Variants in SYTL5 observed in about 807,000 individuals in gnomAD.
SYTL5 encodes the protein synaptotagmin like 5.
Under a neutral mutation model 55.9 loss-of-function variants are expected in SYTL5, and 34 were observed. The observed-to-expected ratio is 0.61, with a 90% CI of 0.46 to 0.81. SYTL5 has a LOEUF of 0.81. SYTL5 is among the 30% of genes least tolerant of loss of function. The pLI is 0.00. For synonymous variants in SYTL5, 221 were observed against 188.7 expected (o/e 1.17, Z -1.40); for missense variants, 637 against 546.7 (o/e 1.17, Z -1.65).
chrX:38,052,862 G>A (rs759082868), intron 2 of SYTL5, among the ~76,000 whole-genome samples: 9 of 111,703 alleles, frequency 8.1e-5, no homozygotes, highest in Non-Finnish European at 1.5e-4. Flanking sequence ...GTAGCACCAA[G>A]CAATGACATG....
the SYTL5 span, among the ~76,000 whole-genome samples, chrX:37,989,901 C>T: frequency 2.7e-5 from 3 of 110,263 alleles, no homozygotes; most frequent in Non-Finnish European, 5.7e-5. Flanking sequence ...GAGACCGAGT[C>T]CCGCTCTGTC....
At chrX:38,080,997 G>A (rs1404634383) in intron 6 of SYTL5, among the ~76,000 whole-genome samples, 1 of 111,600 alleles carries the variant, frequency 9.0e-6, no homozygotes, top group Non-Finnish European at 1.9e-5. Context: ...TCCTTACCAG[G>A]CTTAAAAAAA....
chrX:37,895,505 T>TTTCTTTCTTTCTTTTC, the SYTL5 span, among the ~76,000 whole-genome samples: 12 of 99,246 alleles, frequency 1.2e-4, no homozygotes, highest in Non-Finnish European at 2.0e-4. Context: ...TCTTTCTTTC[T>TTTCTTTCTTTCTTTTC]TTTTCTTTTC....
At chrX:38,030,382 G>A (rs7054363) in intron 1 of SYTL5, among the ~76,000 whole-genome samples, 33,112 of 110,973 alleles carry the variant, frequency 0.3, 6,978 homozygotes, top group African/African-American at 0.75. Flanking sequence ...GTTTTTCCCA[G>A]AACCCAGTCT....
intron 6 of SYTL5, among the ~76,000 whole-genome samples, chrX:38,082,149 A>G (rs1158687979): frequency 8.9e-6 from 1 of 111,919 alleles, no homozygotes; most frequent in East Asian, 2.8e-4. Flanking sequence ...AGCCACACCC[A>G]TGCTTCATTC....
At chrX:38,082,625 C>T (rs769479766) in intron 6 of SYTL5, among the ~76,000 whole-genome samples, 9 of 112,274 alleles carry the variant, frequency 8.0e-5, no homozygotes, top group African/African-American at 2.9e-4. Flanking sequence ...TATAGTAATA[C>T]GATTTTAAAA....
At chrX:38,114,159 C>T (rs1321501779) in intron 13 of SYTL5, among the ~76,000 whole-genome samples, 1 of 111,510 alleles carries the variant, frequency 9.0e-6, no homozygotes, top group East Asian at 2.8e-4. Context: ...GCTACTACCT[C>T]CCTGTACACA....
chrX:37,910,467 C>T, the SYTL5 span, among the ~76,000 whole-genome samples: 1 of 112,191 alleles, frequency 8.9e-6, no homozygotes, highest in Non-Finnish European at 1.9e-5. Context: ...TTGGGGGAGA[C>T]ACAATTCAGC....
chrX:38,120,203 C>A (rs4827333), intron 13 of SYTL5, among the ~76,000 whole-genome samples, 155 bp from the exon 14 acceptor site: 37,114 of 111,496 alleles, frequency 0.33, 6,471 homozygotes, highest in African/African-American at 0.67. Flanking sequence ...TCTCTTACCT[C>A]AGTCATCTCT....
intron 1 of SYTL5, among the ~76,000 whole-genome samples, chrX:38,017,715 TTTTTTG>T (rs1934405122): frequency 2.8e-5 from 3 of 106,954 alleles, no homozygotes; most frequent in Non-Finnish European, 3.9e-5. Flanking sequence ...AATTACAAAG[TTTTTTG>T]ACTTTGTAAT....
chrX:38,060,836 G>T (rs2147339164), intron 3 of SYTL5, among the ~76,000 whole-genome samples: 1 of 112,121 alleles, frequency 8.9e-6, no homozygotes, highest in Non-Finnish European at 1.9e-5. Flanking sequence ...ACATGTTAAT[G>T]CATTGATACA....
At chrX:37,966,726 G>A in the SYTL5 span, among the ~76,000 whole-genome samples, 2 of 110,767 alleles carry the variant, frequency 1.8e-5, no homozygotes, top group Non-Finnish European at 3.8e-5. Flanking sequence ...ATGAGCCACC[G>A]CGCCCAGCTC....
the SYTL5 span, among the ~76,000 whole-genome samples, chrX:37,961,395 C>CTT: frequency 4.0e-5 from 4 of 100,716 alleles, no homozygotes; most frequent in Admixed American, 1.1e-4. Flanking sequence ...CTCTCTTCCT[C>CTT]TTTTTTTTTT....
At chrX:37,960,810 A>ATTTTTTTT in the SYTL5 span, among the ~76,000 whole-genome samples, 8 of 88,565 alleles carry the variant, frequency 9.0e-5, no homozygotes, top group Non-Finnish European at 1.6e-4. Context: ...TTATTTATTT[A>ATTTTTTTT]TTTGAGATGG....
chrX:38,002,065 T>C (rs1469351138), upstream of SYTL5, among the ~76,000 whole-genome samples: 3 of 108,768 alleles, frequency 2.8e-5, no homozygotes, highest in Admixed American at 9.8e-5. Flanking sequence ...CCTTCCTGTG[T>C]CCATGTGTTC....
intron 3 of SYTL5, among the ~76,000 whole-genome samples, chrX:38,070,775 A>G (rs991718785): frequency 8.9e-6 from 1 of 111,982 alleles, no homozygotes; most frequent in Non-Finnish European, 1.9e-5. Context: ...AGCTAAAGCC[A>G]TTTCTTAATT....
chrX:38,025,727 A>G (rs73463473), intron 1 of SYTL5, among the ~76,000 whole-genome samples: 3,473 of 112,321 alleles, frequency 0.031, 132 homozygotes, highest in African/African-American at 0.11. Flanking sequence ...ATGAGGATCA[A>G]TTACTCATTT....
At chrX:37,904,452 C>T in the SYTL5 span, among the ~76,000 whole-genome samples, 3 of 109,990 alleles carry the variant, frequency 2.7e-5, no homozygotes, top group Admixed American at 2.9e-4. Flanking sequence ...AAACTGAAGG[C>T]TGGTATTATT....
the SYTL5 span, among the ~76,000 whole-genome samples, chrX:37,957,210 ATTTTTTT>A: frequency 9.1e-6 from 1 of 110,458 alleles, no homozygotes; most frequent in Non-Finnish European, 1.9e-5. Context: ...ATAGTTCGCA[ATTTTTTT>A]TCTCATTCTG....
Sources: gnomAD v4.1 joint callset for allele counts (sites outside exome capture counted in the v4.1 genomes callset) on GRCh38, gnomAD v4.1.1 for gene constraint, MANE v1.5 for transcripts, NCBI Gene and HGNC (gene_info 2026-07-23, HGNC 2026-07-21) for gene names.